WASF1: variants seen among roughly 807,000 people sequenced by gnomAD.
The protein encoded by WASF1 is actin-binding protein WASF1.
A neutral mutation model predicts 50.5 loss-of-function variants in WASF1; 7 were observed. The ratio of observed to expected loss-of-function variants is 0.14; its 90% CI spans 0.08 to 0.26. The LOEUF (loss-of-function observed/expected upper bound fraction) is 0.26. Ranked by LOEUF, WASF1 falls within the 10% of genes least tolerant of loss-of-function variation. The pLI is 1.00. For synonymous variants in WASF1, 205 were observed against 244.0 expected (o/e 0.84, Z 1.49); for missense variants, 470 against 694.7 (o/e 0.68, Z 3.64).
At chr6:110,136,688 T>A (rs761599821) in intron 3 of WASF1, among the ~76,000 whole-genome samples, 25 of 152,220 alleles carry the variant, frequency 1.6e-4, no homozygotes, top group Admixed American at 1.1e-3. Context: ...CCTTTCAACC[T>A]TCTCCTATCT....
intron 2 of WASF1, 144 bp from the exon 3 acceptor site, chr6:110,160,876 T>A (rs1446762287): frequency 1.3e-5 from 2 of 151,696 alleles, no homozygotes; most frequent in African/African-American, 4.8e-5. Flanking sequence ...CAATTACTTT[T>A]AATTATAATA....
chr6:110,155,608 T>C (rs1776035779), intron 3 of WASF1, among the ~76,000 whole-genome samples: 1 of 84,118 alleles, frequency 1.2e-5, no homozygotes, highest in African/African-American at 5.0e-5. Context: ...ATTGTGCAGG[T>C]TAGTTACATA....
rs1234653055 is a variant in WASF1 at position 110,113,480 on chromosome 6, A to C, written c.134-20T>G. On this transcript the variant is annotated intron_variant, in intron 4 of 10. Transcript: ENST00000392589. ...ATTTACCTAAGCAAAAATGACACAT[A>C]TATCATAAAATTTAACATCCAGAGC... 6.4e-7 allele frequency: 1 copy of C among 1,566,582 alleles called. No homozygotes were observed. Among genetic ancestry groups the C allele is most frequent in the East Asian group, 2.3e-5 (1 of 43,800 alleles).
chr6:110,163,622 T>C (rs1776353215), intron 2 of WASF1, among the ~76,000 whole-genome samples: 2 of 151,504 alleles, frequency 1.3e-5, no homozygotes, highest in Non-Finnish European at 3.0e-5. Context: ...CCATAACAGA[T>C]AAGAAAACTC....
intron 2 of WASF1, chr6:110,177,270 C>G (rs1168116684): frequency 6.6e-6 from 1 of 151,942 alleles, no homozygotes; most frequent in Non-Finnish European, 1.5e-5. Context: ...TACTTATTAT[C>G]AAGTCATAAT....
chr6:110,145,522 A>G (rs1775514832), intron 3 of WASF1, among the ~76,000 whole-genome samples: 1 of 152,184 alleles, frequency 6.6e-6, no homozygotes, highest in Non-Finnish European at 1.5e-5. Context: ...GAGAGAGGGC[A>G]TCCCTGTCTT....
intron 3 of WASF1, among the ~76,000 whole-genome samples, chr6:110,140,266 G>T (rs1017482726): frequency 6.6e-6 from 1 of 152,202 alleles, no homozygotes; most frequent in Non-Finnish European, 1.5e-5. Flanking sequence ...GAGGTTCCTG[G>T]AAAGTGGTAT....
At position 110,144,488 on chromosome 6, in the gene WASF1, C is replaced by T. The variant is rs4566912; in HGVS notation, c.-29+16147G>A. Among the ~76,000 whole-genome samples, 1,123 of 152,196 alleles carry T rather than the reference C, an allele frequency of 7.4e-3. 13 individuals carry two copies. The highest frequency in any genetic ancestry group is 0.025 in the African/African-American group (1,047 of 41,532). ...TTTCATTAGATCCCATTTGTCAATT[C>T]TGGCTTTTGTTGCCATTGCTTTTGG... On this transcript the variant is annotated intron_variant, in intron 3 of 10. Coordinates refer to ENST00000392589, the MANE Select transcript of WASF1 (RefSeq NM_003931.3).
At chr6:110,173,998 A>C (rs1294731681) in intron 2 of WASF1, among the ~76,000 whole-genome samples, 1 of 152,128 alleles carries the variant, frequency 6.6e-6, no homozygotes, top group African/African-American at 2.4e-5. Flanking sequence ...CCAGTAATTA[A>C]CCCGATTAAA....
intron 3 of WASF1, among the ~76,000 whole-genome samples, chr6:110,151,185 G>A (rs73535832): frequency 0.027 from 4,172 of 152,222 alleles, 185 homozygotes; most frequent in African/African-American, 0.094. Flanking sequence ...AGTAACTATT[G>A]TCAAATAGTT....
intron 4 of WASF1, among the ~76,000 whole-genome samples, chr6:110,115,424 T>C (rs1276152437): frequency 6.6e-6 from 1 of 152,154 alleles, no homozygotes; most frequent in East Asian, 1.9e-4. Flanking sequence ...GCATGGACAA[T>C]GAGAATCCTT....
At chr6:110,146,993 G>A (rs1443064450) in intron 3 of WASF1, among the ~76,000 whole-genome samples, 1 of 151,878 alleles carries the variant, frequency 6.6e-6, no homozygotes, top group Non-Finnish European at 1.5e-5. Flanking sequence ...CTGGCTCTTG[G>A]TTTAAAAAAA....
rs1773040975 is a variant in WASF1, at chr6:110,100,685, A to G, written c.1523-6T>C. 1.2e-6 allele frequency: 2 copies of G among 1,606,032 alleles called. No individual in the cohort carries two copies. The highest frequency in any genetic ancestry group is 1.7e-6 in the Non-Finnish European group (2 of 1,176,248). On this transcript the variant is annotated splice_region_variant and splice_polypyrimidine_tract_variant and intron_variant, in intron 10 of 10. Coordinates refer to ENST00000392589, the MANE Select transcript of WASF1 (RefSeq NM_003931.3). ...TACTTTGCGTAGCTGAATACCTGAT[A>G]CAGTGAATCCAAACCATTCATTTAA...
intron 4 of WASF1, among the ~76,000 whole-genome samples, chr6:110,121,739 G>A (rs1458992007): frequency 1.3e-5 from 2 of 152,168 alleles, no homozygotes; most frequent in Non-Finnish European, 2.9e-5. Context: ...GCACATGTAT[G>A]TTTATTGTGG....
chr6:110,131,831 C>T (rs77933426), intron 3 of WASF1, among the ~76,000 whole-genome samples: 2 of 152,138 alleles, frequency 1.3e-5, no homozygotes, highest in African/African-American at 4.8e-5. Context: ...CACAATAGGG[C>T]AAGCTCTCCA....
At chr6:110,175,452 C>T (rs569148805) in intron 2 of WASF1, among the ~76,000 whole-genome samples, 13 of 152,128 alleles carry the variant, frequency 8.5e-5, no homozygotes, top group African/African-American at 3.1e-4. Context: ...CTTTCTTTTT[C>T]AGAGGTAGGT....
intron 3 of WASF1, 88 bp from the exon 4 acceptor site, chr6:110,127,717 T>C: frequency 4.1e-6 from 5 of 1,234,082 alleles, no homozygotes; most frequent in Non-Finnish European, 5.3e-6. Flanking sequence ...TAAAGCACTG[T>C]TGACCCTTGA....
rs200029605 is a variant in WASF1 at position 110,135,787 on chromosome 6, G to A, written c.-28-8158C>T. 1.8e-4 allele frequency among the ~76,000 whole-genome samples: 18 copies of A among 99,132 alleles called. No individual in the cohort carries two copies. In the East Asian group the frequency reaches 5.0e-3, roughly 27 times the overall value. 65.0% of individuals were successfully genotyped at this position (99,132 alleles called of 152,430 possible). ...TAGTTTGGGTTTGTCATTACTTTTT[G>A]GCCTTTTGGCTAAGATCAAGTGTAG... On this transcript the variant is annotated intron_variant, in intron 3 of 10. Coordinates refer to ENST00000392589, the MANE Select transcript of WASF1 (RefSeq NM_003931.3).
intron 2 of WASF1, among the ~76,000 whole-genome samples, chr6:110,163,119 A>G (rs1186163361): frequency 6.6e-6 from 1 of 151,640 alleles, no homozygotes; most frequent in Non-Finnish European, 1.5e-5. Context: ...TTAAAAACAT[A>G]ATAACATATG....
Sources: allele counts gnomAD v4.1 joint callset (sites outside exome capture counted in the v4.1 genomes callset), GRCh38; gene constraint gnomAD v4.1.1; transcripts MANE v1.5; gene names NCBI Gene and HGNC (gene_info 2026-07-23, HGNC 2026-07-21).